Variants in NDRG4 observed in about 807,000 individuals in gnomAD.
The protein encoded by NDRG4 is NDRG family member 4, also known as protein NDRG4.
NDRG4 carries 38 observed loss-of-function variants against 55.8 expected under a neutral mutation model. The ratio of observed to expected loss-of-function variants is 0.68; its 90% CI spans 0.53 to 0.89. The LOEUF is 0.89. Among genes scored for constraint, NDRG4 ranks in the 40% least tolerant of loss-of-function variants. The pLI is 0.00. For missense variants in NDRG4, 455 were observed against 468.6 expected (o/e 0.97, Z 0.27); for synonymous variants, 190 against 182.7 (o/e 1.04, Z -0.32).
At chr16:58,509,442 G>A (rs773454468) in intron 13 of NDRG4, 90 bp downstream of exon 13, 51 of 1,334,012 alleles carry the variant, frequency 3.8e-5, no homozygotes, top group South Asian at 1.9e-4. Context: ...GGGCTGGCAC[G>A]TGGTGTCAGG....
chr16:58,494,164 G>C (rs975059806), intron 2 of NDRG4, among the ~76,000 whole-genome samples: 2 of 152,166 alleles, frequency 1.3e-5, no homozygotes, highest in Admixed American at 6.5e-5. Flanking sequence ...ATGTGGTCCC[G>C]CCCTCGTGGT....
At chr16:58,470,223 T>A (rs934360517) in intron 1 of NDRG4, among the ~76,000 whole-genome samples, 8 of 152,158 alleles carry the variant, frequency 5.3e-5, no homozygotes, top group East Asian at 1.9e-4. Context: ...GCTAATTTTT[T>A]AAAAAAACTA....
chr16:58,493,955 C>G (rs946411441), intron 2 of NDRG4, among the ~76,000 whole-genome samples: 1 of 152,154 alleles, frequency 6.6e-6, no homozygotes, highest in Admixed American at 6.5e-5. Context: ...TCTGTGGGCC[C>G]CTCGGCCTCA....
At chr16:58,491,243 T>A (rs1347931845) in intron 2 of NDRG4, among the ~76,000 whole-genome samples, 1 of 151,872 alleles carries the variant, frequency 6.6e-6, no homozygotes, top group South Asian at 2.1e-4. Context: ...ACCAGTGCAC[T>A]CCAGCCTGGG....
intron 1 of NDRG4, among the ~76,000 whole-genome samples, chr16:58,482,671 CCCTT>C (rs1353526311): frequency 8.2e-5 from 11 of 134,142 alleles, no homozygotes; most frequent in Admixed American, 7.0e-4. Context: ...TTCCATCCCT[CCCTT>C]CCTTCCTCCC....
chr16:58,515,135 G>A (rs1451032174), downstream of NDRG4, among the ~76,000 whole-genome samples: 1 of 152,172 alleles, frequency 6.6e-6, no homozygotes, highest in Admixed American at 6.5e-5. Flanking sequence ...GGCAACAAGG[G>A]GTCGAGATCA....
At chr16:58,494,398 C>G (rs377321367) in intron 2 of NDRG4, among the ~76,000 whole-genome samples, 2 of 152,200 alleles carry the variant, frequency 1.3e-5, no homozygotes, top group South Asian at 2.1e-4. Flanking sequence ...CCACCTCCCC[C>G]CTTCCCTCCC....
upstream of NDRG4, among the ~76,000 whole-genome samples, chr16:58,497,753 C>T (rs1402271803): frequency 2.6e-5 from 4 of 152,162 alleles, no homozygotes; most frequent in Non-Finnish European, 5.9e-5. Context: ...CCTTGTCTGG[C>T]CACTGTAACT....
At chr16:58,475,331 G>A (rs112002947) in intron 1 of NDRG4, among the ~76,000 whole-genome samples, 1,662 of 152,302 alleles carry the variant, frequency 0.011, 30 homozygotes, top group African/African-American at 0.038. Context: ...TGTGAGGTGT[G>A]GGTTAGGAGG....
Position 58,511,974 on chromosome 16 carries a change from A to T in NDRG4, c.*398A>T. 2.2e-6 allele frequency: 1 copy of T among 461,806 alleles called. No individual in the cohort carries two copies. Among genetic ancestry groups the T allele is most frequent in the South Asian group, 1.6e-5 (1 of 64,086 alleles). 28.6% of individuals were successfully genotyped at this position (461,806 alleles called of 1,614,324 possible). On this transcript the variant is annotated 3_prime_UTR_variant, in exon 15 of 15. Coordinates refer to ENST00000570248, the MANE Select transcript of NDRG4 (RefSeq NM_001242835.2). ...GGCCACAGGGGTGCGGGGCCAGCTCAGGCACTGGCGTGGGAGCCCTGGGAG... is the reference window on the plus strand; with the variant it reads ...GGCCACAGGGGTGCGGGGCCAGCTCTGGCACTGGCGTGGGAGCCCTGGGAG...
intron 1 of NDRG4, among the ~76,000 whole-genome samples, chr16:58,503,524 G>C (rs1423576877): frequency 1.3e-5 from 2 of 152,136 alleles, no homozygotes; most frequent in Non-Finnish European, 1.5e-5. Flanking sequence ...AAGGGCGGAG[G>C]ACAGTGACAG....
chr16:58,492,347 C>T (rs571686424), intron 2 of NDRG4, among the ~76,000 whole-genome samples: 107 of 152,258 alleles, frequency 7.0e-4, no homozygotes, highest in African/African-American at 2.4e-3. Flanking sequence ...CCTGTTCCCA[C>T]GGGACTTCAG....
chr16:58,504,038 A>T, intron 2 of NDRG4, 116 bp from the exon 3 acceptor site: 1 of 1,577,284 alleles, frequency 6.3e-7, no homozygotes, highest in Non-Finnish European at 8.6e-7. Flanking sequence ...CCGGGCCTCC[A>T]TTTCCCCGAC....
rs1463519049 is a variant in NDRG4, at chr16:58,504,529, G to T, written c.312-60G>T. The T allele has an allele frequency of 2.5e-6, 4 of 1,612,648 alleles. No individual in the cohort carries two copies. The African/African-American group carries it at 5.3e-5, about 22-fold the overall frequency. On this transcript the variant is annotated intron_variant, in intron 4 of 14. Coordinates refer to ENST00000570248, the MANE Select transcript of NDRG4 (RefSeq NM_001242835.2). ...CAGGCTATGGGCAGGGCCTGCTCTG[G>T]ATGACATGTATGGGAAATGGCACCC...
intron 1 of NDRG4, among the ~76,000 whole-genome samples, chr16:58,480,774 A>G (rs1484854102): frequency 2.0e-5 from 3 of 152,116 alleles, no homozygotes; most frequent in Non-Finnish European, 4.4e-5. Flanking sequence ...TAAACCACTC[A>G]TCCATGCATC....
rs1466242306 is a variant in NDRG4 at position 58,503,816 on chromosome 16, C to T, written c.40C>T (p.Pro14Ser). 3.7e-6 allele frequency: 6 copies of T among 1,613,874 alleles called. No homozygotes were observed. The highest frequency in any genetic ancestry group is 5.1e-6 in the Non-Finnish European group (6 of 1,179,996). Residue 14 changes from proline to serine, a missense_variant, in exon 2 of 15, where the codon CCC becomes TCC. Pro to Ser is a moderately conservative substitution (Grantham distance 74). Transcript: ENST00000570248. ...CWDGEHDIET[P>S]YGLLHVVIRG... ...CCTTCAGGAACATGACATCGAGACA[C>T]CCTACGGCCTTCTGCATGTAGTGAT...
intron 2 of NDRG4, 90 bp from the exon 3 acceptor site, chr16:58,504,064 A>G (rs2037519862): frequency 1.9e-6 from 3 of 1,594,790 alleles, no homozygotes; most frequent in Non-Finnish European, 2.6e-6. Context: ...CGAGGCTTAC[A>G]CTTCTGCCTT....
intron 1 of NDRG4, chr16:58,472,423 C>T (rs532571485): frequency 1.1e-4 from 17 of 152,404 alleles, no homozygotes; most frequent in Admixed American, 1.0e-3. Context: ...ATGGTGTTGC[C>T]ATTCGAGTGT....
intron 1 of NDRG4, chr16:58,500,699 G>A (rs1186607413): frequency 7.0e-6 from 3 of 427,954 alleles, no homozygotes; most frequent in African/African-American, 4.1e-5. Context: ...GGGCGGGGGT[G>A]TCCTTGGTGA....
Sources: allele counts gnomAD v4.1 joint callset (sites outside exome capture counted in the v4.1 genomes callset), GRCh38; gene constraint gnomAD v4.1.1; transcripts MANE v1.5; gene names NCBI Gene and HGNC (gene_info 2026-07-23, HGNC 2026-07-21).